Variants in DSCAM observed in about 807,000 individuals in gnomAD.
DSCAM encodes the protein cell adhesion molecule DSCAM.
Under a neutral mutation model 217.7 loss-of-function variants are expected in DSCAM, and 47 were observed. The ratio of observed to expected loss-of-function variants is 0.22; its 90% CI spans 0.17 to 0.28. DSCAM has a LOEUF of 0.28. DSCAM is among the 10% of genes least tolerant of loss of function. The pLI is 1.00. For missense variants in DSCAM, 2,080 were observed against 2,618.3 expected (o/e 0.79, Z 4.49); for synonymous variants, 1,056 against 1,015.3 (o/e 1.04, Z -0.76).
intron 3 of DSCAM, among the ~76,000 whole-genome samples, chr21:40,641,487 C>T (rs186622479): frequency 1.8e-4 from 27 of 152,230 alleles, no homozygotes; most frequent in African/African-American, 5.8e-4. Flanking sequence ...GTCAAGCAGA[C>T]GGTTATTTGA....
intron 3 of DSCAM, among the ~76,000 whole-genome samples, chr21:40,605,495 G>A (rs2089221672): frequency 6.6e-6 from 1 of 152,150 alleles, no homozygotes; most frequent in Non-Finnish European, 1.5e-5. Flanking sequence ...AATATTTTTG[G>A]CTTTGAGAGA....
At chr21:40,655,685 G>T (rs548236576) in intron 3 of DSCAM, among the ~76,000 whole-genome samples, 3 of 151,928 alleles carry the variant, frequency 2.0e-5, no homozygotes, top group Non-Finnish European at 4.4e-5. Flanking sequence ...ACTCCTGGAT[G>T]CAAGTGATCC....
chr21:40,614,971 TG>T (rs1344198620), intron 3 of DSCAM, among the ~76,000 whole-genome samples: 1 of 151,608 alleles, frequency 6.6e-6, no homozygotes, highest in African/African-American at 2.4e-5. Flanking sequence ...ATATACATTA[TG>T]TATATATGTA....
rs2090904908 is a variant in DSCAM, at chr21:40,187,275, A to G, written c.2651-16T>C. 1 of 1,613,292 alleles carries G rather than the reference A, an allele frequency of 6.2e-7. No individual in the cohort carries two copies. Among genetic ancestry groups the G allele is most frequent in the South Asian group, 1.1e-5 (1 of 90,946 alleles). On this transcript the variant is annotated splice_polypyrimidine_tract_variant and intron_variant, in intron 13 of 32. Transcript: ENST00000400454. ...TCTGGGGGCTCTGTGCCATCAACAGAAAGACTACGAGTTAGTTCAAACAGA... is the reference window on the plus strand; with the variant it reads ...TCTGGGGGCTCTGTGCCATCAACAGGAAGACTACGAGTTAGTTCAAACAGA...
At chr21:40,657,194 G>A (rs2090085848) in intron 3 of DSCAM, among the ~76,000 whole-genome samples, 1 of 152,178 alleles carries the variant, frequency 6.6e-6, no homozygotes, top group South Asian at 2.1e-4. Context: ...TAATGGGGTA[G>A]GTAAGGTTGC....
At chr21:40,602,432 C>G (rs1389898605) in intron 3 of DSCAM, among the ~76,000 whole-genome samples, 1 of 152,136 alleles carries the variant, frequency 6.6e-6, no homozygotes, top group Non-Finnish European at 1.5e-5. Context: ...GTAGATTTCA[C>G]TAGTGCAAAC....
chr21:40,179,262 C>T (rs1210984465), intron 14 of DSCAM, among the ~76,000 whole-genome samples, 168 bp from the exon 15 acceptor site: 1 of 150,788 alleles, frequency 6.6e-6, no homozygotes, highest in Non-Finnish European at 1.5e-5. Flanking sequence ...GCAATGTTCC[C>T]AGCTTTCTGG....
intron 8 of DSCAM, 37 bp from the exon 9 acceptor site, chr21:40,312,396 T>C (rs1416516891): frequency 6.2e-7 from 1 of 1,600,424 alleles, no homozygotes; most frequent in Non-Finnish European, 8.5e-7. Flanking sequence ...GAACTGTGCT[T>C]ATTCTACATT....
intron 11 of DSCAM, among the ~76,000 whole-genome samples, chr21:40,234,119 G>A (rs2091405437): frequency 6.6e-6 from 1 of 152,200 alleles, no homozygotes; most frequent in Admixed American, 6.5e-5. Flanking sequence ...TGCATTCTCA[G>A]AATATTATAT....
intron 3 of DSCAM, among the ~76,000 whole-genome samples, chr21:40,559,599 T>C (rs971361232): frequency 6.6e-6 from 1 of 152,128 alleles, no homozygotes; most frequent in African/African-American, 2.4e-5. Context: ...GTTTATGTTG[T>C]AGTTCTGGGA....
intron 3 of DSCAM, among the ~76,000 whole-genome samples, chr21:40,610,630 G>A (rs1180625980): frequency 2.0e-4 from 30 of 152,140 alleles, no homozygotes; most frequent in Admixed American, 2.0e-3. Flanking sequence ...CATAGGCTCT[G>A]CCTCTAATCT....
intron 20 of DSCAM, among the ~76,000 whole-genome samples, chr21:40,117,001 C>CAAAAAAAAA (rs534100380): frequency 6.0e-5 from 2 of 33,180 alleles, no homozygotes; most frequent in Admixed American, 5.0e-4. Flanking sequence ...GACTCTGTCT[C>CAAAAAAAAA]AAAAAAAAAA....
At chr21:40,413,017 A>C (rs1174889389) in intron 3 of DSCAM, among the ~76,000 whole-genome samples, 2 of 152,234 alleles carry the variant, frequency 1.3e-5, no homozygotes, top group African/African-American at 4.8e-5. Flanking sequence ...AAGTCTTGGC[A>C]GCTTCCACAT....
chr21:40,527,616 G>A (rs2076410345), intron 3 of DSCAM, among the ~76,000 whole-genome samples: 1 of 152,186 alleles, frequency 6.6e-6, no homozygotes, highest in African/African-American at 2.4e-5. Context: ...ACCCAACTGA[G>A]CTCAGCCTAA....
At chr21:40,656,613 C>A (rs779907873) in intron 3 of DSCAM, among the ~76,000 whole-genome samples, 2 of 152,170 alleles carry the variant, frequency 1.3e-5, no homozygotes, top group Non-Finnish European at 1.5e-5. Context: ...TTCTCCATCA[C>A]GCTTCTGTGT....
At chr21:40,602,053 C>CTTTTT (rs761687929) in intron 3 of DSCAM, among the ~76,000 whole-genome samples, 984 of 89,502 alleles carry the variant, frequency 0.011, 97 homozygotes, top group African/African-American at 0.044. Context: ...TCTGCTTCTA[C>CTTTTT]TTTTTTTTTT....
intron 9 of DSCAM, among the ~76,000 whole-genome samples, chr21:40,301,471 T>C (rs933198323): frequency 3.3e-5 from 5 of 152,210 alleles, no homozygotes; most frequent in African/African-American, 1.2e-4. Flanking sequence ...GGCTTCTTCA[T>C]GTCTGTTTAA....
At chr21:40,123,021 T>C (rs1201800678) in intron 20 of DSCAM, among the ~76,000 whole-genome samples, 1 of 152,240 alleles carries the variant, frequency 6.6e-6, no homozygotes, top group Non-Finnish European at 1.5e-5. Context: ...GAGGATATCA[T>C]GTCAAGTGAA....
chr21:40,131,551 G>A (rs185158628), intron 19 of DSCAM, among the ~76,000 whole-genome samples: 51 of 152,184 alleles, frequency 3.4e-4, no homozygotes, highest in African/African-American at 8.7e-4. Context: ...TCAGCCTCCC[G>A]AGTAGCTGGG....
Sources: allele counts gnomAD v4.1 joint callset (sites outside exome capture counted in the v4.1 genomes callset), GRCh38; gene constraint gnomAD v4.1.1; transcripts MANE v1.5; gene names NCBI Gene and HGNC (gene_info 2026-07-23, HGNC 2026-07-21).